Variants in ADGRL3 observed in about 807,000 individuals in gnomAD.
ADGRL3 encodes the protein calcium-independent alpha-latrotoxin receptor 3.
In ADGRL3, 62 loss-of-function variants were observed where a neutral mutation model predicts 153.5. That is an observed-to-expected ratio of 0.40 (90% CI 0.33 to 0.50). The LOEUF is 0.50. Among genes scored for constraint, ADGRL3 ranks in the 20% least tolerant of loss-of-function variants. The probability of loss-of-function intolerance (pLI) is 0.47; values close to 1 mark genes in which losing one functional copy is unlikely to be tolerated. For synonymous variants in ADGRL3, 710 were observed against 672.5 expected (o/e 1.06, Z -0.86); for missense variants, 1,641 against 1,859.4 (o/e 0.88, Z 2.16).
In ADGRL3 at chr4:62,063,746, G is replaced by A. The variant is rs1316369080; in HGVS notation, c.3815-4420G>A. ...CTTTCTTTGTTTTGGAAGCAGACCT[G>A]CAGACTCCTTTCGCATTCCACCCCT... On this transcript the variant is annotated intron_variant, in intron 25 of 26. Coordinates refer to ENST00000683033, the MANE Select transcript of ADGRL3 (RefSeq NM_001387552.1). 5.7e-5 allele frequency: 28 copies of A among 489,634 alleles called. No individual in the cohort carries two copies. In the East Asian group the frequency reaches 8.5e-4, roughly 15 times the overall value. The allele number at this position is 489,634 out of a possible 1,614,324, so 30.3% of individuals were successfully genotyped here. A position where few individuals can be genotyped will look rare whatever the true frequency, so the allele number is the denominator to read the frequency against.
intron 9 of ADGRL3, among the ~76,000 whole-genome samples, chr4:61,817,857 T>C (rs75698416): frequency 1.3e-5 from 2 of 152,218 alleles, no homozygotes; most frequent in Middle Eastern, 3.4e-3. Flanking sequence ...ATGAGAACAG[T>C]ATGGGGGAAA....
rs1334403126 is a variant in ADGRL3 at position 61,825,882 on chromosome 4, A to G, written c.1480+11993A>G. 3.9e-5 allele frequency among the ~76,000 whole-genome samples: 6 copies of G among 152,346 alleles called. No individual in the cohort carries two copies. In the East Asian group the frequency reaches 1.2e-3, roughly 29 times the overall value. On this transcript the variant is annotated intron_variant, in intron 9 of 26. Coordinates refer to ENST00000683033, the MANE Select transcript of ADGRL3 (RefSeq NM_001387552.1). ...TCTGGGGTGTCTAGATACCTATGTGATGAGGGGTGTAGGGAGACACAGACA... is the reference window on the plus strand; with the variant it reads ...TCTGGGGTGTCTAGATACCTATGTGGTGAGGGGTGTAGGGAGACACAGACA...
chr4:61,692,174 T>G (rs2095551266), intron 6 of ADGRL3, among the ~76,000 whole-genome samples: 1 of 152,148 alleles, frequency 6.6e-6, no homozygotes, highest in Admixed American at 6.6e-5. Context: ...CACTAAATAC[T>G]TTGCATATAA....
chr4:61,555,731 T>G (rs2098762622), intron 4 of ADGRL3, among the ~76,000 whole-genome samples: 1 of 152,216 alleles, frequency 6.6e-6, no homozygotes, highest in South Asian at 2.1e-4. Context: ...CCCTGAAGGC[T>G]GTTGGTTGCC....
At chr4:61,598,516 G>A (rs980133703) in intron 5 of ADGRL3, among the ~76,000 whole-genome samples, 9 of 152,122 alleles carry the variant, frequency 5.9e-5, no homozygotes, top group African/African-American at 1.9e-4. Context: ...TTAATCTGTT[G>A]TACTATAATT....
intron 2 of ADGRL3, among the ~76,000 whole-genome samples, chr4:61,456,553 T>A (rs2097758583): frequency 6.7e-6 from 1 of 148,680 alleles, no homozygotes; most frequent in African/African-American, 2.5e-5. Context: ...AGTGACTTAC[T>A]TATTTAACCA....
At chr4:61,680,265 T>C (rs549687138) in intron 6 of ADGRL3, among the ~76,000 whole-genome samples, 2 of 151,728 alleles carry the variant, frequency 1.3e-5, no homozygotes, top group South Asian at 4.2e-4. Flanking sequence ...CTGTTTGTTA[T>C]ACAATTTAGT....
chr4:61,405,636 T>C (rs1414272051), intron 2 of ADGRL3, among the ~76,000 whole-genome samples: 1 of 151,902 alleles, frequency 6.6e-6, no homozygotes. Context: ...TAAATATTAG[T>C]ACAGACTATG....
chr4:61,672,984 G>A (rs989572221), intron 5 of ADGRL3, among the ~76,000 whole-genome samples: 2 of 151,772 alleles, frequency 1.3e-5, no homozygotes, highest in Non-Finnish European at 2.9e-5. Context: ...AATATATAAT[G>A]GAATATTATT....
chr4:61,325,249 T>C (rs1442900497), intron 1 of ADGRL3, among the ~76,000 whole-genome samples: 1 of 152,080 alleles, frequency 6.6e-6, no homozygotes, highest in Non-Finnish European at 1.5e-5. Flanking sequence ...GAGTCGGAAG[T>C]TGCAGTGAGC....
rs55879235 is a variant in ADGRL3 at position 61,903,650 on chromosome 4, C to CAAAAAAAAAAA, written c.1888-5887_1888-5877dup. 1.1e-3 allele frequency among the ~76,000 whole-genome samples: 78 copies of CAAAAAAAAAAA among 72,354 alleles called. 2 individuals carry two copies. Among genetic ancestry groups the CAAAAAAAAAAA allele is most frequent in the African/African-American group, 2.7e-3 (41 of 15,294 alleles). The allele number at this position is 72,354 out of a possible 152,430, so 47.5% of individuals were successfully genotyped here. A position where few individuals can be genotyped will look rare whatever the true frequency, so the allele number is the denominator to read the frequency against. ...TGCTGCACTCCAGCTTGGGAAACAG[C>CAAAAAAAAAAA]AAAAAAAAAAAAAAAAAAAAAAAAA... On this transcript the variant is annotated intron_variant, in intron 11 of 26. Coordinates refer to ENST00000683033, the MANE Select transcript of ADGRL3 (RefSeq NM_001387552.1).
chr4:61,647,394 TAGAA>T (rs2094061674), intron 5 of ADGRL3, among the ~76,000 whole-genome samples: 1 of 152,176 alleles, frequency 6.6e-6, no homozygotes, highest in African/African-American at 2.4e-5. Flanking sequence ...TTTATTATCT[TAGAA>T]AGACAGTAGA....
intron 11 of ADGRL3, among the ~76,000 whole-genome samples, chr4:61,903,800 T>A (rs1254945920): frequency 6.6e-6 from 1 of 151,856 alleles, no homozygotes; most frequent in African/African-American, 2.4e-5. Context: ...AAAGACAAGG[T>A]CTTACTCTGT....
intron 23 of ADGRL3, among the ~76,000 whole-genome samples, chr4:62,034,313 A>G (rs745663745): frequency 8.6e-5 from 13 of 151,796 alleles, no homozygotes; most frequent in Non-Finnish European, 1.6e-4. Flanking sequence ...CCTGAGTCAA[A>G]AAACTTAAAA....
chr4:61,233,304 C>CT (rs1751526610), intron 1 of ADGRL3, among the ~76,000 whole-genome samples: 1 of 152,150 alleles, frequency 6.6e-6, no homozygotes, highest in Admixed American at 6.5e-5. Flanking sequence ...TTACTCTTTT[C>CT]TTTTTTTAAA....
At chr4:61,511,626 G>A (rs1288723870) in intron 3 of ADGRL3, among the ~76,000 whole-genome samples, 1 of 151,814 alleles carries the variant, frequency 6.6e-6, no homozygotes, top group African/African-American at 2.4e-5. Context: ...AGTCTGAAGT[G>A]TAATTTCTTG....
intron 8 of ADGRL3, among the ~76,000 whole-genome samples, chr4:61,807,956 T>C (rs1372753332): frequency 6.6e-6 from 1 of 152,120 alleles, no homozygotes; most frequent in Non-Finnish European, 1.5e-5. Context: ...GGCATGTGGG[T>C]CCCTGTCCCT....
At chr4:61,743,907 C>G (rs57884095) in intron 8 of ADGRL3, among the ~76,000 whole-genome samples, 1 of 152,164 alleles carries the variant, frequency 6.6e-6, no homozygotes, top group African/African-American at 2.4e-5. Flanking sequence ...AGCAGGGCGA[C>G]GCATTGCCTC....
rs1560554253 is a variant in ADGRL3 at position 62,050,459 on chromosome 4, TA to T, written c.3814+5912del. ...CAGGGATGTGGCTCAGAACCGTTTT[TA>T]ACAAAAGTTTTCTCAGAGCATGTAT... On this transcript the variant is annotated intron_variant, in intron 25 of 26. Transcript: ENST00000683033. Among the ~76,000 whole-genome samples, 3 of 152,058 alleles carry T rather than the reference TA, an allele frequency of 2.0e-5. No individual in the cohort carries two copies. In the South Asian group the frequency reaches 6.2e-4, roughly 31 times the overall value.
Sources: gnomAD v4.1 joint callset for allele counts (sites outside exome capture counted in the v4.1 genomes callset) on GRCh38, gnomAD v4.1.1 for gene constraint, MANE v1.5 for transcripts, NCBI Gene and HGNC (gene_info 2026-07-23, HGNC 2026-07-21) for gene names.